The following NPR3 variants were observed in gnomAD, a reference collection of about 807,000 sequenced individuals.
NPR3 encodes natriuretic peptide receptor 3, also known as atrial natriuretic peptide receptor 3.
NPR3 carries 34 observed loss-of-function variants against 54.5 expected under a neutral mutation model. The observed-to-expected ratio is 0.62, with a 90% CI of 0.47 to 0.83. NPR3 has a LOEUF of 0.83. Among genes scored for constraint, NPR3 ranks in the 40% least tolerant of loss-of-function variants. The pLI, the probability that NPR3 is intolerant of heterozygous loss-of-function variation, is 0.00. For synonymous variants in NPR3, 289 were observed against 297.1 expected, an observed-to-expected ratio of 0.97 and a Z score of 0.28; for missense variants, 674 against 720.8, an observed-to-expected ratio of 0.94 and a Z score of 0.74.
intron 1 of NPR3, among the ~76,000 whole-genome samples, chr5:32,719,513 G>C (rs967896399): frequency 6.6e-6 from 1 of 152,126 alleles, no homozygotes; most frequent in African/African-American, 2.4e-5. Context: ...TAGAAAGCTG[G>C]AATCAGTTTG....
At chr5:32,734,899 T>C (rs1194203447) in intron 2 of NPR3, among the ~76,000 whole-genome samples, 1 of 152,238 alleles carries the variant, frequency 6.6e-6, no homozygotes, top group Non-Finnish European at 1.5e-5. Context: ...CTGGTAACCC[T>C]GTGCTCTTAG....
At chr5:32,709,293 G>A (rs1216367127), upstream of NPR3, 1 of 152,168 alleles carries the variant, frequency 6.6e-6, no homozygotes, top group Admixed American at 6.5e-5. Flanking sequence ...GGGTCTCCGA[G>A]GCAGGACCTT....
chr5:32,697,784 G>A (rs1256946870), intron 1 of NPR3, among the ~76,000 whole-genome samples: 1 of 152,052 alleles, frequency 6.6e-6, no homozygotes, highest in Admixed American at 6.5e-5. Flanking sequence ...GCATATGGCT[G>A]CTTATAGTAG....
At chr5:32,710,859 GTT>G (rs56022335), upstream of NPR3, 28,779 of 962,932 alleles carry the variant, frequency 0.03, 401 homozygotes, top group African/African-American at 0.14. Context: ...CCCAGTCCTG[GTT>G]TTTTTTTTTT....
At chr5:32,746,408 G>T (rs906163649) in intron 3 of NPR3, among the ~76,000 whole-genome samples, 19 of 152,166 alleles carry the variant, frequency 1.2e-4, no homozygotes, top group African/African-American at 3.9e-4. Context: ...ACCATGGCTT[G>T]TCAGTATTCC....
At chr5:32,777,140 C>T (rs1177802094) in intron 4 of NPR3, among the ~76,000 whole-genome samples, 1 of 152,186 alleles carries the variant, frequency 6.6e-6, no homozygotes, top group Admixed American at 6.5e-5. Context: ...GACCTGCAAG[C>T]CTTGCTGAGG....
chr5:32,789,996 A>G lies in NPR3; in HGVS notation c.*3651A>G. The G allele has an allele frequency of 3.7e-6, 1 of 268,496 alleles. No homozygotes were observed. The highest frequency in any genetic ancestry group is 4.8e-5 in the Admixed American group (1 of 20,726). 16.6% of individuals were successfully genotyped at this position (268,496 alleles called of 1,614,324 possible). ...GACATGAGAGTAAATGTCAGCCCAA[A>G]TTAGGCCCCTCGACCTACAGACATT... is the stretch of plus-strand genomic sequence containing the variant. On this transcript the variant is annotated 3_prime_UTR_variant, in exon 8 of 8. Coordinates refer to ENST00000265074, the MANE Select transcript of NPR3 (RefSeq NM_001204375.2).
intron 1 of NPR3, among the ~76,000 whole-genome samples, chr5:32,700,206 A>G (rs1740632199): frequency 6.6e-6 from 1 of 152,060 alleles, no homozygotes; most frequent in Non-Finnish European, 1.5e-5. Context: ...GGTGTTCTAT[A>G]ACTTTCTTGT....
chr5:32,713,840 G>C (rs569333792), intron 1 of NPR3, among the ~76,000 whole-genome samples: 3 of 152,376 alleles, frequency 2.0e-5, no homozygotes, highest in African/African-American at 7.2e-5. Flanking sequence ...AAAGAGGCGA[G>C]AGGTGTTTGA....
chr5:32,700,009 A>G (rs1285214403), intron 1 of NPR3, among the ~76,000 whole-genome samples: 1 of 152,198 alleles, frequency 6.6e-6, no homozygotes. Context: ...CACTTTAAAT[A>G]TGTTGGGCTA....
intron 2 of NPR3, among the ~76,000 whole-genome samples, chr5:32,729,984 C>T (rs1017498075): frequency 1.5e-4 from 23 of 152,236 alleles, no homozygotes; most frequent in African/African-American, 5.1e-4. Context: ...TTTTCTGTTC[C>T]AGGATCCAAT....
Position 32,786,645 on chromosome 5 carries a change from C to T in NPR3, c.*300C>T, listed in dbSNP as rs374428921. Reference sequence around the variant, plus strand: ...TTTTTAAAATCTGTTGTCTCCATATCTTGATGGCTTTTGGGAGCATTTCAC... The same window carrying T: ...TTTTTAAAATCTGTTGTCTCCATATTTTGATGGCTTTTGGGAGCATTTCAC... On this transcript the variant is annotated 3_prime_UTR_variant, in exon 8 of 8. Transcript: ENST00000265074. The T allele has an allele frequency of 1.5e-4, 42 of 279,496 alleles. No individual in the cohort carries two copies. The highest frequency in any genetic ancestry group is 9.2e-4 in the African/African-American group (41 of 44,542). The allele number at this position is 279,496 out of a possible 1,614,324, so 17.3% of individuals were successfully genotyped here.
At chr5:32,756,267 G>A (rs1021473009) in intron 3 of NPR3, among the ~76,000 whole-genome samples, 27 of 152,280 alleles carry the variant, frequency 1.8e-4, no homozygotes, top group Admixed American at 1.4e-3. Context: ...AGCACCTGTT[G>A]TTTCCTGACT....
chr5:32,711,016 C>G (rs1026637015), upstream of NPR3, among the ~76,000 whole-genome samples: 1 of 152,032 alleles, frequency 6.6e-6, no homozygotes, highest in African/African-American at 2.4e-5. Flanking sequence ...GGTGATCGCA[C>G]AGGCACGCGG....
At chr5:32,753,109 C>T (rs1442754862) in intron 3 of NPR3, among the ~76,000 whole-genome samples, 1 of 152,152 alleles carries the variant, frequency 6.6e-6, no homozygotes, top group African/African-American at 2.4e-5. Context: ...TGAAGAGCCA[C>T]AATACCTGTG....
chr5:32,712,915 C>T (rs970757471), intron 1 of NPR3, among the ~76,000 whole-genome samples: 1 of 152,132 alleles, frequency 6.6e-6, no homozygotes, highest in Non-Finnish European at 1.5e-5. Context: ...GGGTCTGAAG[C>T]ATCCGAGGCG....
chr5:32,752,158 C>A (rs111318801), intron 3 of NPR3, among the ~76,000 whole-genome samples: 19 of 152,228 alleles, frequency 1.2e-4, no homozygotes, highest in African/African-American at 4.3e-4. Flanking sequence ...GAGCCAAGAT[C>A]ATACCATTGC....
chr5:32,774,081 G>A (rs1055617401), intron 3 of NPR3, among the ~76,000 whole-genome samples: 1 of 152,208 alleles, frequency 6.6e-6, no homozygotes, highest in Non-Finnish European at 1.5e-5. Context: ...TTGGCAGGGA[G>A]TAGGGATAGG....
At chr5:32,754,344 AG>A in intron 3 of NPR3, among the ~76,000 whole-genome samples, 1 of 145,150 alleles carries the variant, frequency 6.9e-6, no homozygotes, top group East Asian at 1.9e-4. Flanking sequence ...ATGATTGTAA[AG>A]GGTTTTTTTT....
Sources: allele counts gnomAD v4.1 joint callset (sites outside exome capture counted in the v4.1 genomes callset), GRCh38; gene constraint gnomAD v4.1.1; transcripts MANE v1.5; gene names NCBI Gene and HGNC (gene_info 2026-07-23, HGNC 2026-07-21).